The following GALNS variants were observed in gnomAD, a reference collection of about 807,000 sequenced individuals.
GALNS encodes galactosamine (N-acetyl)-6-sulfatase.
GALNS carries 65 observed loss-of-function variants against 65.9 expected under a neutral mutation model. That is an observed-to-expected ratio of 0.99 (90% CI 0.81 to 1.21). The LOEUF is 1.21. Ranked by LOEUF, GALNS falls within the 50% of genes most tolerant of loss-of-function variation. GALNS has a pLI of 0.00. For missense variants in GALNS, 776 were observed against 700.7 expected (o/e 1.11, Z -1.21); for synonymous variants, 346 against 288.9 (o/e 1.20, Z -2.00).
Position 88,815,771 on chromosome 16 carries a change from C to A in GALNS, c.1483-1246G>T, listed in dbSNP as rs112605995. On this transcript the variant is annotated intron_variant, in intron 13 of 13. Coordinates refer to ENST00000268695, the MANE Select transcript of GALNS (RefSeq NM_000512.5). ...CGCATGAGTGTCCCTGCCCCCTTGG[C>A]CACCAGAGCAGGAGTGGGTTTGGGT... 1,797 of 985,436 alleles carry A rather than the reference C, an allele frequency of 1.8e-3. 26 individuals carry two copies. The African/African-American group carries it at 0.029, about 16-fold the overall frequency. The allele number at this position is 985,436 out of a possible 1,614,324, so 61.0% of individuals were successfully genotyped here.
At chr16:88,814,628 C>G (rs1909443319) in intron 13 of GALNS, 103 bp from the exon 14 acceptor site, 1 of 1,532,704 alleles carries the variant, frequency 6.5e-7, no homozygotes, top group Non-Finnish European at 8.8e-7. Flanking sequence ...CAGTCTCACT[C>G]TGTCACCCAG....
intron 2 of GALNS, 73 bp from the exon 3 acceptor site, chr16:88,842,044 C>T: frequency 7.5e-7 from 1 of 1,336,388 alleles, no homozygotes; most frequent in South Asian, 1.2e-5. Context: ...AACAAGAGCC[C>T]CAACGAGTAG....
At chr16:88,852,855 T>G (rs1350158845) in intron 1 of GALNS, among the ~76,000 whole-genome samples, 2 of 152,206 alleles carry the variant, frequency 1.3e-5, no homozygotes, top group African/African-American at 4.8e-5. Context: ...CTCAGGAGGC[T>G]GAGGCAGGAA....
chr16:88,816,638 G>GA (rs1909657255), intron 13 of GALNS: 1 of 985,120 alleles, frequency 1.0e-6, no homozygotes, highest in Non-Finnish European at 1.2e-6. Flanking sequence ...CTCACTGCTG[G>GA]TAGGTGCTCC....
intron 1 of GALNS, among the ~76,000 whole-genome samples, chr16:88,848,413 G>A (rs1189926713): frequency 6.6e-6 from 1 of 152,086 alleles, no homozygotes; most frequent in African/African-American, 2.4e-5. Context: ...GGTGGATCAC[G>A]AGGTGGTCAG....
intron 8 of GALNS, among the ~76,000 whole-genome samples, chr16:88,834,946 C>T (rs971364834): frequency 5.9e-5 from 9 of 152,170 alleles, no homozygotes; most frequent in African/African-American, 1.9e-4. Flanking sequence ...GGTCACCCTT[C>T]GGGAGGCGTC....
In GALNS at chr16:88,835,933, C is replaced by T. The variant is rs879001895; in HGVS notation, c.634-84G>A. ...ACGGTCCCCGTCCCCACACGTCCCA[C>T]GGGGCGAGGTTGGTGCGGTCCCCGT... On this transcript the variant is annotated intron_variant, in intron 6 of 13. Coordinates refer to ENST00000268695, the MANE Select transcript of GALNS (RefSeq NM_000512.5). 3.5e-5 allele frequency: 56 copies of T among 1,603,268 alleles called. No individual in the cohort carries two copies. The East Asian group carries it at 4.4e-4, about 13-fold the overall frequency.
At chr16:88,822,203 G>A (rs367631219) in intron 12 of GALNS, among the ~76,000 whole-genome samples, 3 of 152,162 alleles carry the variant, frequency 2.0e-5, no homozygotes, top group African/African-American at 4.8e-5. Context: ...GAGAGCAGAG[G>A]GTGGAGCTGG....
intron 13 of GALNS, chr16:88,817,442 C>T (rs779720524): frequency 3.0e-6 from 3 of 985,276 alleles, no homozygotes; most frequent in East Asian, 1.1e-4. Flanking sequence ...AGGTCTGATG[C>T]GAAGGTCTCT....
chr16:88,856,222 T>C (rs3784878), intron 1 of GALNS: 18,285 of 702,918 alleles, frequency 0.026, 301 homozygotes, highest in African/African-American at 0.054. Context: ...CTCAGCATTC[T>C]CCAGAGGACA....
At chr16:88,846,385 G>A (rs1967242961) in intron 1 of GALNS, among the ~76,000 whole-genome samples, 2 of 152,150 alleles carry the variant, frequency 1.3e-5, no homozygotes, top group South Asian at 2.1e-4. Flanking sequence ...GGCTCCGGAC[G>A]GCTGGGGGCC....
At chr16:88,854,123 T>A (rs1290154632) in intron 1 of GALNS, among the ~76,000 whole-genome samples, 1 of 152,148 alleles carries the variant, frequency 6.6e-6, no homozygotes, top group Non-Finnish European at 1.5e-5. Context: ...TGGAGGGCCA[T>A]GCTCCAAAAT....
In GALNS at chr16:88,835,776, T is replaced by A; in HGVS notation, c.707A>T (p.His236Leu). The A allele has an allele frequency of 6.2e-7, 1 of 1,614,108 alleles. No individual in the cohort carries two copies. Among genetic ancestry groups the A allele is most frequent in the Non-Finnish European group, 8.5e-7 (1 of 1,180,014 alleles). The change falls in exon 7 of 14, where the codon CAC becomes CTC. Residue 236 changes from histidine to leucine, a missense_variant. Transcript: ENST00000268695. Reference protein sequence around the residue: ...FFLYWAVDATHAPVYASKPFL... With the variant: ...FFLYWAVDATLAPVYASKPFL... ...GGGTTTGGAGGCATAGACGGGTGCG[T>A]GCGTGGCGTCGACAGCCCAGTAGAG... is the stretch of plus-strand genomic sequence containing the variant.
intron 9 of GALNS, among the ~76,000 whole-genome samples, chr16:88,831,210 AGAG>A (rs1911469456): frequency 6.6e-6 from 1 of 151,868 alleles, no homozygotes; most frequent in African/African-American, 2.4e-5. Flanking sequence ...GGTTCCGAGG[AGAG>A]CGGTGAGGCC....
chr16:88,818,785 C>T (rs936362940), intron 12 of GALNS, among the ~76,000 whole-genome samples: 1 of 152,230 alleles, frequency 6.6e-6, no homozygotes, highest in African/African-American at 2.4e-5. Context: ...CTTCTAATAT[C>T]GACAACATCC....
rs1910979019 is a variant in GALNS at position 88,826,831 on chromosome 16, T to C, written c.1010A>G (p.His337Arg). ...GAGGTCCATGATGCTGCCCAGCTGG[T>C]GGCTCACCTGAAACACATGGCAGCA... Reference protein sequence around the residue: ...PGHVTAGQVSHQLGSIMDLFT... With the variant: ...PGHVTAGQVSRQLGSIMDLFT... The change falls in exon 10 of 14, where the codon CAC (histidine) becomes CGC (arginine). Residue 337 changes from histidine (H) to arginine (R), a missense_variant. Transcript: ENST00000268695. The C allele has an allele frequency of 6.3e-7, 1 of 1,578,816 alleles. No individual in the cohort carries two copies. Among genetic ancestry groups the C allele is most frequent in the Middle Eastern group, 1.9e-4 (1 of 5,380 alleles).
At chr16:88,835,136 G>A (rs1911976394) in intron 8 of GALNS, 77 bp downstream of exon 8, 1 of 1,534,242 alleles carries the variant, frequency 6.5e-7, no homozygotes, top group East Asian at 2.5e-5. Flanking sequence ...CAGACCCCGT[G>A]GGCACAGCCG....
chr16:88,841,992 C>T, intron 2 of GALNS, 21 bp from the exon 3 acceptor site: 1 of 1,604,200 alleles, frequency 6.2e-7, no homozygotes, highest in Non-Finnish European at 8.5e-7. Flanking sequence ...GTGACAGAAA[C>T]AGAAACTGGA....
intron 9 of GALNS, among the ~76,000 whole-genome samples, chr16:88,829,338 G>A (rs1911252807): frequency 6.6e-6 from 1 of 152,152 alleles, no homozygotes; most frequent in South Asian, 2.1e-4. Flanking sequence ...CTGTCCTAGG[G>A]GCACCCCACA....
Sources: allele counts gnomAD v4.1 joint callset (sites outside exome capture counted in the v4.1 genomes callset), GRCh38; gene constraint gnomAD v4.1.1; transcripts MANE v1.5; gene names NCBI Gene and HGNC (gene_info 2026-07-23, HGNC 2026-07-21).